The following ZNF318 variants were observed in gnomAD, a reference collection of about 807,000 sequenced individuals.
ZNF318 encodes the protein endocrine regulator.
In ZNF318, 51 loss-of-function variants were observed where a neutral mutation model predicts 124.2. The ratio of observed to expected loss-of-function variants is 0.41; its 90% CI spans 0.33 to 0.52. ZNF318 has a LOEUF of 0.52. ZNF318 is among the 20% of genes least tolerant of loss of function. ZNF318 has a pLI of 0.23. For missense variants in ZNF318, 2,815 were observed against 2,811.2 expected (o/e 1.00, Z -0.03); for synonymous variants, 1,090 against 1,040.7 (o/e 1.05, Z -0.91).
Position 43,348,446 on chromosome 6 carries a change from T to G in ZNF318, c.2950A>C (p.Ile984Leu). 1 of 1,614,176 alleles carries G rather than the reference T, an allele frequency of 6.2e-7. No individual in the cohort carries two copies. The highest frequency in any genetic ancestry group is 1.1e-5 in the South Asian group (1 of 91,080). Residue 984 changes from isoleucine (I) to leucine (L), a missense_variant, in exon 6 of 10, where the codon ATC becomes CTC. Coordinates refer to ENST00000361428, the MANE Select transcript of ZNF318 (RefSeq NM_014345.3). ...DKVAQILGIN[I>L]FDKSQKSLSD... is the part of the protein sequence containing the mutation. ...AAAGACTTCTGGGATTTATCGAAGA[T>G]GTTAATTCCCAAGATCTGAGCCACT...
chr6:43,353,216 T>C (rs1229988490), intron 4 of ZNF318, among the ~76,000 whole-genome samples: 1 of 152,210 alleles, frequency 6.6e-6, no homozygotes, highest in Admixed American at 6.5e-5. Flanking sequence ...ATTGAACCTA[T>C]TCCCTTTCCC....
chr6:43,355,338 C>T lies in ZNF318; in HGVS notation c.1996G>A (p.Ala666Thr). ...TGGGGATCTGAGGAACGTCGATCAG[C>T]TGAGAAGCAGTGGTCAACTGAGGAA... is the stretch of plus-strand genomic sequence containing the variant. ...RCSSVDHCFS[A>T]DRRSSDPHRL... The change falls in exon 4 of 10, where the codon GCT becomes ACT. Residue 666 changes from alanine to threonine, a missense_variant. Ala to Thr is a moderately conservative substitution (Grantham distance 58). This residue lies in a region of ZNF318 where 1,377 missense variants were observed against 1,353.5 expected (regional missense o/e 1.02). Transcript: ENST00000361428. 6.2e-7 allele frequency: 1 copy of T among 1,614,192 alleles called. No individual in the cohort carries two copies.
At position 43,362,279 on chromosome 6, in the gene ZNF318, G is replaced by A. The variant is rs575105814; in HGVS notation, c.548+3013C>T. Reference sequence around the variant, plus strand: ...CGAGACCAGCCTGGCCAAAGAAACCGCATCTCTACTAAAAATACAAAAAAT... The same window carrying A: ...CGAGACCAGCCTGGCCAAAGAAACCACATCTCTACTAAAAATACAAAAAAT... On this transcript the variant is annotated intron_variant, in intron 2 of 9. Coordinates refer to ENST00000361428, the MANE Select transcript of ZNF318 (RefSeq NM_014345.3). Among the ~76,000 whole-genome samples the A allele has an allele frequency of 3.3e-5, 5 of 151,386 alleles. No individual in the cohort carries two copies. The South Asian group carries it at 8.3e-4, about 25-fold the overall frequency.
chr6:43,365,474 A>T (rs1049580845), intron 1 of ZNF318, 34 bp from the exon 2 acceptor site: 4 of 1,601,930 alleles, frequency 2.5e-6, no homozygotes, highest in African/African-American at 1.3e-5. Flanking sequence ...GTTAGTCAAT[A>T]GGGTCAAGAC....
chr6:43,351,081 A>T (rs551779148), intron 5 of ZNF318, among the ~76,000 whole-genome samples: 1 of 152,336 alleles, frequency 6.6e-6, no homozygotes, highest in Non-Finnish European at 1.5e-5. Flanking sequence ...ACTCAGCATC[A>T]TTTCTGTGAT....
In ZNF318 at chr6:43,337,656, GTCAACATTT is replaced by G; in HGVS notation, c.6333_6341del (p.Glu2111_Val2113del). ...TTCCCTCTAGGCCCCCCAAGCCACGGTCAACATTTTCTGTAAGTCCAGTTTTCAAAATGT... is the reference window on the plus strand; with the variant it reads ...TTCCCTCTAGGCCCCCCAAGCCACGGTCTGTAAGTCCAGTTTTCAAAATGT... On this transcript the variant is annotated inframe_deletion, in exon 10 of 10. Coordinates refer to ENST00000361428, the MANE Select transcript of ZNF318 (RefSeq NM_014345.3). 5.0e-6 allele frequency: 8 copies of G among 1,614,080 alleles called. No individual in the cohort carries two copies. The highest frequency in any genetic ancestry group is 6.8e-6 in the Non-Finnish European group (8 of 1,180,004).
rs549344984 is a variant in ZNF318, at chr6:43,336,791, C to G, written c.*367G>C. On this transcript the variant is annotated 3_prime_UTR_variant, in exon 10 of 10. Transcript: ENST00000361428. ...AGAGGTCAGCTGCCTCCATCCTCCC[C>G]CACATTTCAGAAATGGCAGAGTCAA... The G allele has an allele frequency of 6.5e-6, 1 of 153,106 alleles. No individual in the cohort carries two copies. 9.5% of individuals were successfully genotyped at this position (153,106 alleles called of 1,614,324 possible).
rs752540825 is a variant in ZNF318, at chr6:43,354,751, C to A, written c.2583G>T (p.Val861=). The A allele has an allele frequency of 3.1e-6, 5 of 1,614,152 alleles. No individual in the cohort carries two copies. Among genetic ancestry groups the A allele is most frequent in the Non-Finnish European group, 4.2e-6 (5 of 1,180,034 alleles). The change falls in exon 4 of 10, where the codon GTG becomes GTT. Residue 861 remains valine (V), a synonymous_variant. Transcript: ENST00000361428. The part of the protein sequence containing the change: ...SLRGSIPAAQ[V]PVQVSIPSLI... ...GTGATGGAATGGACACCTGGACAGG[C>A]ACTTGGGCCGCAGGAATTGAGCCTC...
At chr6:43,363,904 C>T (rs1010428964) in intron 2 of ZNF318, 41 of 687,308 alleles carry the variant, frequency 6.0e-5, no homozygotes, top group Middle Eastern at 7.5e-4. Flanking sequence ...CTCCATTCTC[C>T]CTGTGCACAG....
In ZNF318 at chr6:43,369,222, G is replaced by A. The variant is rs1047926178; in HGVS notation, c.144C>T (p.Ser48=). The change falls in exon 1 of 10, where the codon TCC becomes TCT. Residue 48 remains serine, a synonymous_variant. Coordinates refer to ENST00000361428, the MANE Select transcript of ZNF318 (RefSeq NM_014345.3). ...RSSPPPPPSG[S]SSRTPARRPR... ...GTCGGCGAGCCGGGGTCCGCGACGA[G>A]GAGCCGGAGGGCGGAGGCGGCGGTG... 8 of 1,218,736 alleles carry A rather than the reference G, an allele frequency of 6.6e-6. No individual in the cohort carries two copies. The highest frequency in any genetic ancestry group is 1.6e-5 in the African/African-American group (1 of 62,978). The allele number at this position is 1,218,736 out of a possible 1,614,324, so 75.5% of individuals were successfully genotyped here. A position where few individuals can be genotyped will look rare whatever the true frequency, so the allele number is the denominator to read the frequency against.
In ZNF318 at chr6:43,336,286, ATCT is replaced by A. The variant is rs1199323469; in HGVS notation, c.*869_*871del. On this transcript the variant is annotated 3_prime_UTR_variant, in exon 10 of 10. Coordinates refer to ENST00000361428, the MANE Select transcript of ZNF318 (RefSeq NM_014345.3). ...TTCAATCTCAAGACAAGTTTCAGAG[ATCT>A]TCTACCCCTTCACAACACAAATGGC... The A allele has an allele frequency of 2.0e-5, 3 of 152,616 alleles. 1 individual carries two copies. In the East Asian group the frequency reaches 5.8e-4, roughly 29 times the overall value. The allele number at this position is 152,616 out of a possible 1,614,324, so 9.5% of individuals were successfully genotyped here. A position where few individuals can be genotyped will look rare whatever the true frequency, so the allele number is the denominator to read the frequency against.
At chr6:43,349,386 CTTT>C (rs369338217) in intron 5 of ZNF318, among the ~76,000 whole-genome samples, 8 of 124,170 alleles carry the variant, frequency 6.4e-5, no homozygotes, top group East Asian at 2.3e-4. Flanking sequence ...TCTGGTTTAT[CTTT>C]TTTTTTTTTT....
At position 43,339,633 on chromosome 6, in the gene ZNF318, GGGTGGTGGA is replaced by G. The variant is rs563671976; in HGVS notation, c.4356_4364del (p.Pro1454_Pro1456del). On this transcript the variant is annotated inframe_deletion, in exon 10 of 10. Coordinates refer to ENST00000361428, the MANE Select transcript of ZNF318 (RefSeq NM_014345.3). The surrounding 1 kb of genome is among the most constrained non-coding windows in gnomAD (Gnocchi z 4.2). Reference sequence around the variant, plus strand: ...GGGCAGCTGGATGAGGTATAACGGGGGGTGGTGGAGGTGGTGGAGGTGGGGGTGGTGGAG... The same window carrying G: ...GGGCAGCTGGATGAGGTATAACGGGGGGTGGTGGAGGTGGGGGTGGTGGAG... 363 of 1,612,132 alleles carry G rather than the reference GGGTGGTGGA, an allele frequency of 2.3e-4. 1 individual carries two copies. The highest frequency in any genetic ancestry group is 9.1e-4 in the East Asian group (41 of 44,816).
chr6:43,350,191 A>C (rs942402384), intron 5 of ZNF318, among the ~76,000 whole-genome samples: 3 of 152,206 alleles, frequency 2.0e-5, no homozygotes, highest in Non-Finnish European at 4.4e-5. Flanking sequence ...TGGAGGTTGC[A>C]GTGAGCTGAG....
chr6:43,360,491 C>T (rs1000079955), intron 2 of ZNF318, among the ~76,000 whole-genome samples: 21 of 152,268 alleles, frequency 1.4e-4, no homozygotes, highest in African/African-American at 4.8e-4. Context: ...AAAATAAAGT[C>T]TATCTATTTA....
At chr6:43,354,511 G>A (rs1360023574) in intron 4 of ZNF318, among the ~76,000 whole-genome samples, 153 bp downstream of exon 4, 1 of 152,152 alleles carries the variant, frequency 6.6e-6, no homozygotes, top group East Asian at 1.9e-4. Flanking sequence ...GAAAAACAGA[G>A]GAACAATATA....
In ZNF318 at chr6:43,339,180, T is replaced by C; in HGVS notation, c.4818A>G (p.Arg1606=). The change falls in exon 10 of 10, where the codon AGA becomes AGG. Residue 1606 remains arginine (R), a synonymous_variant. Transcript: ENST00000361428. The surrounding 1 kb of genome is among the most constrained non-coding windows in gnomAD (Gnocchi z 4.2). The part of the protein sequence containing the change: ...LANGENSNLS[R]TKSSDTSSTS... ...TAGAAGAGGTGTCTGAACTTTTGGT[T>C]CTAGAGAGGTTGCTATTTTCCCCAT... 6.2e-7 allele frequency: 1 copy of C among 1,614,150 alleles called. No homozygotes were observed. Among genetic ancestry groups the C allele is most frequent in the East Asian group, 2.2e-5 (1 of 44,890 alleles).
intron 5 of ZNF318, 29 bp from the exon 6 acceptor site, chr6:43,348,654 G>A: frequency 6.2e-7 from 1 of 1,602,008 alleles, no homozygotes; most frequent in South Asian, 1.1e-5. Flanking sequence ...ACAAAAAGAA[G>A]CACAGGGAAA....
chr6:43,339,241 G>A lies in ZNF318; in HGVS notation c.4757C>T (p.Ala1586Val), dbSNP rs1204869117. 2 of 1,610,600 alleles carry A rather than the reference G, an allele frequency of 1.2e-6. No homozygotes were observed. Among genetic ancestry groups the A allele is most frequent in the Non-Finnish European group, 1.7e-6 (2 of 1,178,094 alleles). ...ACCACCACTTAGCTTAGTCTCAGGG[G>A]CCCCCTTAGTCTCAGGGGCCCCCTT... ...GGKGAPETKG[A>V]PETKLSGGPL... The change falls in exon 10 of 10, where the codon GCC (alanine) becomes GTC (valine). Residue 1586 changes from alanine (A) to valine (V), a missense_variant. By Grantham distance (64) the Ala-to-Val change is moderately conservative (BLOSUM62 0). Coordinates refer to ENST00000361428, the MANE Select transcript of ZNF318 (RefSeq NM_014345.3). This position sits in a 1 kb window ranked among gnomAD's most constrained non-coding sequence, Gnocchi z 4.2.
Sources: allele counts gnomAD v4.1 joint callset (sites outside exome capture counted in the v4.1 genomes callset), GRCh38; gene constraint gnomAD v4.1.1; regional missense constraint gnomAD v4.1.1; non-coding constraint Gnocchi (gnomAD v3.1); transcripts MANE v1.5; gene names NCBI Gene and HGNC (gene_info 2026-07-23, HGNC 2026-07-21).